GPR19: variants seen among roughly 807,000 people sequenced by gnomAD.
GPR19 encodes the protein G protein-coupled receptor 19.
Under a neutral mutation model 28.5 loss-of-function variants are expected in GPR19, and 14 were observed. The ratio of observed to expected loss-of-function variants is 0.49; its 90% CI spans 0.32 to 0.77. The LOEUF (loss-of-function observed/expected upper bound fraction) is 0.77. GPR19 is among the 30% of genes least tolerant of loss of function. The probability of loss-of-function intolerance (pLI) is 0.03; values close to 1 mark genes in which losing one functional copy is unlikely to be tolerated. For synonymous variants in GPR19, 173 were observed against 184.1 expected, an observed-to-expected ratio of 0.94 and a Z score of 0.49; for missense variants, 409 against 504.1, an observed-to-expected ratio of 0.81 and a Z score of 1.81.
the GPR19 span, among the ~76,000 whole-genome samples, chr12:12,706,169 ATCAAG>A: frequency 9.8e-5 from 15 of 152,354 alleles, no homozygotes; most frequent in African/African-American, 2.9e-4. Context: ...GACTCCTCTT[ATCAAG>A]TCATCAGTGA....
chr12:12,665,307 C>CG (rs1464451372), intron 3 of GPR19, among the ~76,000 whole-genome samples: 1 of 152,132 alleles, frequency 6.6e-6, no homozygotes, highest in Non-Finnish European at 1.5e-5. Context: ...AGCCCGGAGG[C>CG]GGGGGGCCCT....
chr12:12,678,306 A>T (rs986154795), intron 3 of GPR19, among the ~76,000 whole-genome samples: 7 of 150,616 alleles, frequency 4.6e-5, no homozygotes, highest in Non-Finnish European at 8.9e-5. Context: ...AATTAATTTA[A>T]AAAAACCAAT....
At chr12:12,670,511 G>T (rs762033082) in intron 3 of GPR19, among the ~76,000 whole-genome samples, 1 of 152,184 alleles carries the variant, frequency 6.6e-6, no homozygotes, top group African/African-American at 2.4e-5. Flanking sequence ...AAGATAGTCA[G>T]TTCCTATCTC....
At chr12:12,682,509 C>T (rs1946036773) in intron 3 of GPR19, among the ~76,000 whole-genome samples, 1 of 152,286 alleles carries the variant, frequency 6.6e-6, no homozygotes. Context: ...TAAACCAGGC[C>T]TGGTGATAAG....
In GPR19 at chr12:12,661,358, G is replaced by A; in HGVS notation, c.1091C>T (p.Ser364Leu). 6.2e-7 allele frequency: 1 copy of A among 1,614,034 alleles called. No homozygotes were observed. Among genetic ancestry groups the A allele is most frequent in the Non-Finnish European group, 8.5e-7 (1 of 1,179,922 alleles). ...AACGTAGTTTTTTTTGGCCATCCTT[G>A]AACTTGTTGTGATAGTATAGGCATT... ...RSNAYTITTSSRMAKKNYVGI... is the reference protein window; with the variant it reads ...RSNAYTITTSLRMAKKNYVGI... The change falls in exon 4 of 4, where the codon TCA becomes TTA. Residue 364 changes from serine (S) to leucine (L), a missense_variant. By Grantham distance (145) the Ser-to-Leu change is moderately radical. Transcript: ENST00000651487. This position sits in a 1 kb window ranked among gnomAD's most constrained non-coding sequence, Gnocchi z 4.2.
At chr12:12,665,842 A>G (rs1341523335) in intron 3 of GPR19, among the ~76,000 whole-genome samples, 5 of 150,072 alleles carry the variant, frequency 3.3e-5, no homozygotes, top group Admixed American at 6.6e-5. Context: ...AAAAAAAAAA[A>G]AAAAAAGAAA....
the GPR19 span, among the ~76,000 whole-genome samples, chr12:12,704,710 G>A: frequency 2.0e-5 from 3 of 152,156 alleles, no homozygotes; most frequent in Non-Finnish European, 4.4e-5. Flanking sequence ...ATAGTTGCAG[G>A]ATTAGGGCTG....
chr12:12,699,912 ACAT>A (rs1300737603), upstream of GPR19, among the ~76,000 whole-genome samples: 2 of 152,316 alleles, frequency 1.3e-5, no homozygotes, highest in East Asian at 3.9e-4. Context: ...GCAGTTCCAA[ACAT>A]CATGTTCTCA....
intron 3 of GPR19, among the ~76,000 whole-genome samples, chr12:12,675,329 G>A (rs576560684): frequency 3.3e-5 from 5 of 152,266 alleles, no homozygotes; most frequent in Non-Finnish European, 5.9e-5. Flanking sequence ...GGGGAAGAGA[G>A]TCTCAGTAAT....
rs115484035 is a variant in GPR19 at position 12,689,401 on chromosome 12, T to C, written c.-179-4894A>G. ...AAGCCAGGAGGTACCCTCTCTCTCA[T>C]CAGTGCCACAAGGATATGTAATTAT... On this transcript the variant is annotated intron_variant, in intron 2 of 3. Coordinates refer to ENST00000651487, the MANE Select transcript of GPR19 (RefSeq NM_006143.3). Among the ~76,000 whole-genome samples, 571 of 152,232 alleles carry C rather than the reference T, an allele frequency of 3.8e-3. 5 individuals are homozygous for C. Among genetic ancestry groups the C allele is most frequent in the African/African-American group, 0.013 (532 of 41,532 alleles).
the GPR19 span, among the ~76,000 whole-genome samples, chr12:12,707,449 G>A: frequency 6.6e-6 from 1 of 152,212 alleles, no homozygotes; most frequent in African/African-American, 2.4e-5. Context: ...TGTGTCCTCA[G>A]AGAGTCTGGC....
chr12:12,717,230 C>G, the GPR19 span: 1 of 1,051,960 alleles, frequency 9.5e-7, no homozygotes, highest in African/African-American at 1.7e-5. Context: ...GCGGCGCGCT[C>G]GGGAACGAGG....
At chr12:12,705,508 A>C in the GPR19 span, among the ~76,000 whole-genome samples, 1 of 152,126 alleles carries the variant, frequency 6.6e-6, no homozygotes, top group Non-Finnish European at 1.5e-5. Flanking sequence ...TATCCTGCAA[A>C]AATGGTTACT....
At chr12:12,707,285 T>C in the GPR19 span, among the ~76,000 whole-genome samples, 2 of 152,246 alleles carry the variant, frequency 1.3e-5, no homozygotes, top group African/African-American at 4.8e-5. Flanking sequence ...CTGCCTTCAT[T>C]ACCCTCCGTA....
intron 3 of GPR19, among the ~76,000 whole-genome samples, chr12:12,681,756 G>A (rs1446496442): frequency 6.6e-6 from 1 of 152,198 alleles, no homozygotes; most frequent in Non-Finnish European, 1.5e-5. Context: ...GATTTAATTA[G>A]ATGGAAAAAT....
chr12:12,668,698 A>C (rs1464407495), intron 3 of GPR19, among the ~76,000 whole-genome samples: 1 of 151,996 alleles, frequency 6.6e-6, no homozygotes, highest in African/African-American at 2.4e-5. Context: ...AAACAGAAAC[A>C]TTTTCTGTAG....
the GPR19 span, among the ~76,000 whole-genome samples, chr12:12,711,309 G>C: frequency 2.4e-5 from 3 of 125,288 alleles, no homozygotes; most frequent in East Asian, 7.2e-4. Flanking sequence ...AAAAAAAAAA[G>C]ACCCCAAAAT....
At chr12:12,667,885 T>C (rs570653173) in intron 3 of GPR19, among the ~76,000 whole-genome samples, 2 of 152,250 alleles carry the variant, frequency 1.3e-5, no homozygotes. Flanking sequence ...CTGGGGCACA[T>C]AGCTATTAAA....
chr12:12,682,715 G>A (rs1488042593), intron 3 of GPR19, among the ~76,000 whole-genome samples: 1 of 152,030 alleles, frequency 6.6e-6, no homozygotes, highest in Non-Finnish European at 1.5e-5. Flanking sequence ...AAACCCTGAA[G>A]GGAACTGGTA....
Sources: allele counts gnomAD v4.1 joint callset (sites outside exome capture counted in the v4.1 genomes callset), GRCh38; gene constraint gnomAD v4.1.1; non-coding constraint Gnocchi (gnomAD v3.1); transcripts MANE v1.5; gene names NCBI Gene and HGNC (gene_info 2026-07-23, HGNC 2026-07-21).